UNC5D: variants seen among roughly 807,000 people sequenced by gnomAD.
UNC5D encodes netrin receptor UNC5D.
Under a neutral mutation model 105.4 loss-of-function variants are expected in UNC5D, and 39 were observed. The ratio of observed to expected loss-of-function variants is 0.37; its 90% CI spans 0.29 to 0.48. UNC5D has a LOEUF of 0.48. UNC5D is among the 20% of genes least tolerant of loss of function. UNC5D has a pLI of 0.98. For synonymous variants in UNC5D, 452 were observed against 450.4 expected, an observed-to-expected ratio of 1.00 and a Z score of -0.04; for missense variants, 991 against 1,202.4, an observed-to-expected ratio of 0.82 and a Z score of 2.60.
intron 1 of UNC5D, among the ~76,000 whole-genome samples, chr8:35,285,220 G>C (rs1806504551): frequency 6.6e-6 from 1 of 152,202 alleles, no homozygotes; most frequent in South Asian, 2.1e-4. Context: ...GTCCTTGTTA[G>C]ACTCATGGAT....
At chr8:35,308,139 T>TGTGTGC (rs1808585084) in intron 1 of UNC5D, among the ~76,000 whole-genome samples, 1 of 151,790 alleles carries the variant, frequency 6.6e-6, no homozygotes. Flanking sequence ...TGTGTGTGTG[T>TGTGTGC]GTGTGTGTGT....
rs1423343514 is a variant in UNC5D at position 35,795,675 on chromosome 8, A to G, written c.*5112A>G. ...CAGCAGAGGGTAACTGAAAACTTTCAATCAGAAACACTCTCCAAGGCTTAT... is the reference window on the plus strand; with the variant it reads ...CAGCAGAGGGTAACTGAAAACTTTCGATCAGAAACACTCTCCAAGGCTTAT... On this transcript the variant is annotated 3_prime_UTR_variant, in exon 17 of 17. Transcript: ENST00000404895. The G allele has an allele frequency of 6.6e-6, 1 of 152,220 alleles. No individual in the cohort carries two copies. Among genetic ancestry groups the G allele is most frequent in the Non-Finnish European group, 1.5e-5 (1 of 68,032 alleles). The allele number at this position is 152,220 out of a possible 1,614,324, so 9.4% of individuals were successfully genotyped here. A position where few individuals can be genotyped will look rare whatever the true frequency, so the allele number is the denominator to read the frequency against.
chr8:35,515,256 A>G (rs1160597619), intron 1 of UNC5D, among the ~76,000 whole-genome samples: 1 of 152,244 alleles, frequency 6.6e-6, no homozygotes, highest in African/African-American at 2.4e-5. Context: ...GGAACCAAAA[A>G]CAGCATTAGT....
intron 1 of UNC5D, among the ~76,000 whole-genome samples, chr8:35,417,748 A>G (rs541138191): frequency 6.6e-6 from 1 of 152,284 alleles, no homozygotes; most frequent in African/African-American, 2.4e-5. Flanking sequence ...TTCCCTCTTG[A>G]AATGGAAACT....
At chr8:35,408,190 A>G (rs761567188) in intron 1 of UNC5D, among the ~76,000 whole-genome samples, 2 of 152,090 alleles carry the variant, frequency 1.3e-5, no homozygotes, top group Non-Finnish European at 2.9e-5. Flanking sequence ...TCTATTTTAA[A>G]CATGCTATGT....
In UNC5D at chr8:35,774,494, T is replaced by C. The variant is rs1267454003; in HGVS notation, c.2657+17T>C. On this transcript the variant is annotated intron_variant, in intron 16 of 16. Transcript: ENST00000404895. ...CATCAACAGGTAATTGGGGACAGCTTCTGGAAGACGATGTTACTAAGAGAA... is the reference window on the plus strand; with the variant it reads ...CATCAACAGGTAATTGGGGACAGCTCCTGGAAGACGATGTTACTAAGAGAA... The C allele has an allele frequency of 7.4e-6, 12 of 1,613,288 alleles. No homozygotes were observed. The highest frequency in any genetic ancestry group is 9.3e-6 in the Non-Finnish European group (11 of 1,179,532).
chr8:35,608,695 C>G (rs962382846), intron 4 of UNC5D, among the ~76,000 whole-genome samples: 1 of 152,134 alleles, frequency 6.6e-6, no homozygotes, highest in Non-Finnish European at 1.5e-5. Context: ...TTGTCTTTGT[C>G]TGAGTCATTC....
chr8:35,557,502 C>T (rs1167822004), intron 2 of UNC5D, among the ~76,000 whole-genome samples: 4 of 152,122 alleles, frequency 2.6e-5, no homozygotes, highest in Non-Finnish European at 5.9e-5. Context: ...TAAAATGAAA[C>T]ATTGTTCTGC....
intron 3 of UNC5D, among the ~76,000 whole-genome samples, chr8:35,586,531 C>T (rs1818805136): frequency 6.6e-6 from 1 of 152,170 alleles, no homozygotes; most frequent in African/African-American, 2.4e-5. Flanking sequence ...GGTTTGCTGG[C>T]ATGCACCCAT....
At chr8:35,696,876 T>C (rs1826818925) in intron 7 of UNC5D, among the ~76,000 whole-genome samples, 1 of 152,086 alleles carries the variant, frequency 6.6e-6, no homozygotes, top group Admixed American at 6.6e-5. Context: ...TACAGGACAG[T>C]GTTAGTGTTC....
At chr8:35,543,059 A>T (rs1815383446) in intron 1 of UNC5D, among the ~76,000 whole-genome samples, 1 of 152,230 alleles carries the variant, frequency 6.6e-6, no homozygotes, top group Non-Finnish European at 1.5e-5. Flanking sequence ...ATCAGGGTTA[A>T]GTTATTCACC....
At chr8:35,263,624 C>G (rs942881945) in intron 1 of UNC5D, among the ~76,000 whole-genome samples, 16 of 152,202 alleles carry the variant, frequency 1.1e-4, no homozygotes, top group African/African-American at 3.4e-4. Context: ...AGCCACACAT[C>G]TGTAGCTTTG....
At chr8:35,294,697 C>T (rs928613657) in intron 1 of UNC5D, among the ~76,000 whole-genome samples, 3 of 141,316 alleles carry the variant, frequency 2.1e-5, no homozygotes, top group Non-Finnish European at 3.0e-5. Flanking sequence ...TTCTTTTCTT[C>T]TTTTTTTTTT....
rs1239845154 is a variant in UNC5D at position 35,747,869 on chromosome 8, G to T, written c.1767-658G>T. On this transcript the variant is annotated intron_variant, in intron 11 of 16. Coordinates refer to ENST00000404895, the MANE Select transcript of UNC5D (RefSeq NM_080872.4). ...GCTGAACACCAGGTTTGGATTGAAT[G>T]ATTTTAAATTTAGATCTAAAATAGA... 2.6e-5 allele frequency among the ~76,000 whole-genome samples: 4 copies of T among 152,184 alleles called. No individual in the cohort carries two copies. The South Asian group carries it at 6.2e-4, about 24-fold the overall frequency.
chr8:35,737,289 TGTGTGTGTGTG>T (rs1563720938), intron 11 of UNC5D, among the ~76,000 whole-genome samples: 20 of 150,048 alleles, frequency 1.3e-4, no homozygotes, highest in African/African-American at 5.0e-4. Context: ...TGTGTGTGTG[TGTGTGTGTGTG>T]TTAATGTGTG....
chr8:35,237,179 GTTTTTTTTTTTTTT>G (rs3073013), intron 1 of UNC5D, among the ~76,000 whole-genome samples: 5 of 61,812 alleles, frequency 8.1e-5, no homozygotes, highest in Admixed American at 2.4e-4. Flanking sequence ...TTCCTGAAAA[GTTTTTTTTTTTTTT>G]TTTTTTTTTT....
At chr8:35,303,475 A>G (rs928850629) in intron 1 of UNC5D, among the ~76,000 whole-genome samples, 1 of 152,184 alleles carries the variant, frequency 6.6e-6, no homozygotes. Context: ...GGTTTAGATA[A>G]TTAGAATTAA....
At chr8:35,441,466 C>T (rs1042104974) in intron 1 of UNC5D, among the ~76,000 whole-genome samples, 5 of 151,794 alleles carry the variant, frequency 3.3e-5, no homozygotes. Context: ...CAGGCATTCA[C>T]GGAGGGCCTT....
intron 8 of UNC5D, among the ~76,000 whole-genome samples, chr8:35,721,720 C>T (rs1266998530): frequency 6.6e-6 from 1 of 152,172 alleles, no homozygotes; most frequent in South Asian, 2.1e-4. Flanking sequence ...TCTGGTCTTT[C>T]TCTCAACTAA....
Sources: allele counts gnomAD v4.1 joint callset (sites outside exome capture counted in the v4.1 genomes callset), GRCh38; gene constraint gnomAD v4.1.1; transcripts MANE v1.5; gene names NCBI Gene and HGNC (gene_info 2026-07-23, HGNC 2026-07-21).